Variants in KALRN observed in about 807,000 individuals in gnomAD.
The protein encoded by KALRN is kalirin.
Under a neutral mutation model 353.7 loss-of-function variants are expected in KALRN, and 70 were observed. The ratio of observed to expected loss-of-function variants is 0.20; its 90% CI spans 0.16 to 0.24. The LOEUF is 0.24. KALRN is among the 10% of genes least tolerant of loss of function. The pLI is 1.00. For synonymous variants in KALRN, 1,391 were observed against 1,434.8 expected (o/e 0.97, Z 0.69); for missense variants, 2,791 against 3,756.7 (o/e 0.74, Z 6.72).
chr3:124,240,496 T>A (rs953549236), intron 3 of KALRN, among the ~76,000 whole-genome samples: 2 of 152,082 alleles, frequency 1.3e-5, no homozygotes, highest in Non-Finnish European at 2.9e-5. Context: ...AGAGGAGAGC[T>A]TTGTGAGAGG....
intron 1 of KALRN, among the ~76,000 whole-genome samples, chr3:124,137,916 C>A (rs1419112681): frequency 6.6e-6 from 1 of 152,114 alleles, no homozygotes; most frequent in East Asian, 1.9e-4. Flanking sequence ...GATATGGATG[C>A]TTGACCCTAA....
intron 9 of KALRN, among the ~76,000 whole-genome samples, chr3:124,340,925 C>T (rs935438090): frequency 2.0e-5 from 3 of 152,212 alleles, no homozygotes. Flanking sequence ...TACTGCACTC[C>T]AGCTTGGGCA....
chr3:124,690,102 T>C (rs2061740794), intron 51 of KALRN, among the ~76,000 whole-genome samples: 1 of 152,086 alleles, frequency 6.6e-6, no homozygotes, highest in South Asian at 2.1e-4. Flanking sequence ...TTGACAAATA[T>C]CAACAGAGCA....
At chr3:124,416,249 A>C (rs2092490682) in intron 14 of KALRN, among the ~76,000 whole-genome samples, 1 of 152,250 alleles carries the variant, frequency 6.6e-6, no homozygotes, top group Admixed American at 6.5e-5. Context: ...GACCCTGGGC[A>C]AGCCAACGTC....
chr3:124,441,527 A>T (rs184322871), intron 18 of KALRN, among the ~76,000 whole-genome samples: 32 of 152,284 alleles, frequency 2.1e-4, no homozygotes, highest in African/African-American at 7.7e-4. Context: ...TGAGCCTCCT[A>T]AAAAGTATAA....
chr3:124,361,208 G>A (rs1217084973), intron 10 of KALRN, among the ~76,000 whole-genome samples: 1 of 151,926 alleles, frequency 6.6e-6, no homozygotes, highest in Admixed American at 6.6e-5. Context: ...AAAAAACTGG[G>A]GTTAGTCAAC....
At chr3:124,072,692 T>C (rs1453091496) in intron 1 of KALRN, among the ~76,000 whole-genome samples, 1 of 152,214 alleles carries the variant, frequency 6.6e-6, no homozygotes, top group Non-Finnish European at 1.5e-5. Flanking sequence ...TGCAAATACG[T>C]GAAGCAAAAG....
intron 57 of KALRN, among the ~76,000 whole-genome samples, chr3:124,712,177 C>T (rs971795902): frequency 1.3e-5 from 2 of 152,122 alleles, no homozygotes; most frequent in African/African-American, 4.8e-5. Context: ...CCAAACACCA[C>T]CTGTTCCCCA....
chr3:124,326,743 G>A (rs1181706066), intron 7 of KALRN, among the ~76,000 whole-genome samples: 1 of 152,232 alleles, frequency 6.6e-6, no homozygotes, highest in African/African-American at 2.4e-5. Flanking sequence ...ATCCCATGAT[G>A]TGTTGGAGCC....
intron 34 of KALRN, among the ~76,000 whole-genome samples, chr3:124,568,893 G>A (rs2110014325): frequency 6.6e-6 from 1 of 152,328 alleles, no homozygotes; most frequent in African/African-American, 2.4e-5. Context: ...GATGAAAAAT[G>A]TTCTGGAGAT....
At chr3:124,361,677 A>C (rs1180604421) in intron 10 of KALRN, among the ~76,000 whole-genome samples, 1 of 152,184 alleles carries the variant, frequency 6.6e-6, no homozygotes, top group Non-Finnish European at 1.5e-5. Context: ...AGCTTCAGAG[A>C]ATGGCAATTT....
chr3:124,694,623 T>A, intron 53 of KALRN, 120 bp downstream of exon 53: 1 of 952,448 alleles, frequency 1.0e-6, no homozygotes, highest in Non-Finnish European at 1.6e-6. Context: ...ATAGCTGCCC[T>A]GGAGCCTGTT....
intron 34 of KALRN, among the ~76,000 whole-genome samples, chr3:124,580,233 A>G (rs1165198463): frequency 6.6e-6 from 1 of 152,142 alleles, no homozygotes; most frequent in Non-Finnish European, 1.5e-5. Context: ...TGTATACTTG[A>G]GTTTGAGAAC....
intron 49 of KALRN, among the ~76,000 whole-genome samples, chr3:124,676,940 C>T (rs974191189): frequency 6.6e-6 from 1 of 152,188 alleles, no homozygotes; most frequent in African/African-American, 2.4e-5. Flanking sequence ...CACTTTCCCA[C>T]AAGATTCAAG....
intron 1 of KALRN, among the ~76,000 whole-genome samples, chr3:124,148,090 A>G (rs2067598872): frequency 6.6e-6 from 1 of 152,184 alleles, no homozygotes. Flanking sequence ...ACCCAGATGT[A>G]TAGAAGGACT....
At chr3:124,043,590 G>A (rs2040158145) in intron 1 of KALRN, among the ~76,000 whole-genome samples, 1 of 152,068 alleles carries the variant, frequency 6.6e-6, no homozygotes, top group Non-Finnish European at 1.5e-5. Flanking sequence ...CAGATTGACA[G>A]CTCCAGGAGA....
At chr3:124,610,067 T>C (rs543054894) in intron 34 of KALRN, among the ~76,000 whole-genome samples, 1 of 152,268 alleles carries the variant, frequency 6.6e-6, no homozygotes, top group Non-Finnish European at 1.5e-5. Flanking sequence ...AGTGCTTTAG[T>C]TCTGTGCTAA....
intron 57 of KALRN, among the ~76,000 whole-genome samples, chr3:124,707,540 G>T (rs933771317): frequency 6.6e-6 from 1 of 150,588 alleles, no homozygotes; most frequent in African/African-American, 2.5e-5. Flanking sequence ...TTTGATACAA[G>T]TGTGGGCCAA....
chr3:124,205,113 A>G (rs1186675728), intron 1 of KALRN, among the ~76,000 whole-genome samples: 1 of 152,230 alleles, frequency 6.6e-6, no homozygotes, highest in African/African-American at 2.4e-5. Context: ...TGGTCCAAAT[A>G]GGAAGGCATA....
Sources: allele counts gnomAD v4.1 joint callset (sites outside exome capture counted in the v4.1 genomes callset), GRCh38; gene constraint gnomAD v4.1.1; transcripts MANE v1.5; gene names NCBI Gene and HGNC (gene_info 2026-07-23, HGNC 2026-07-21).